CHST9: variants seen among roughly 807,000 people sequenced by gnomAD.
CHST9 encodes carbohydrate sulfotransferase 9, also known as GalNAc-4-sulfotransferase 2.
A neutral mutation model predicts 44.4 loss-of-function variants in CHST9; 41 were observed. The ratio of observed to expected loss-of-function variants is 0.92; its 90% CI spans 0.72 to 1.20. The LOEUF (loss-of-function observed/expected upper bound fraction) is 1.20, where lower values mean the gene tolerates loss of function less well. Among genes scored for constraint, CHST9 ranks in the 50% most tolerant of loss-of-function variants. The pLI, the probability that CHST9 is intolerant of heterozygous loss-of-function variation, is 0.00. For synonymous variants in CHST9, 171 were observed against 178.4 expected, an observed-to-expected ratio of 0.96 and a Z score of 0.33; for missense variants, 504 against 516.5, an observed-to-expected ratio of 0.98 and a Z score of 0.23.
chr18:27,035,619 A>G (rs1486969134), intron 3 of CHST9, among the ~76,000 whole-genome samples: 1 of 152,036 alleles, frequency 6.6e-6, no homozygotes, highest in East Asian at 1.9e-4. Context: ...ATATAGCCTC[A>G]AAAAAAGAAG....
At chr18:27,024,033 C>T in intron 4 of CHST9, 83 bp downstream of exon 4, 1 of 1,342,022 alleles carries the variant, frequency 7.5e-7, no homozygotes, top group Non-Finnish European at 1.1e-6. Flanking sequence ...AAAAGCCACA[C>T]TCTGAGGTTT....
chr18:26,907,453 G>C lies in CHST9; in HGVS notation c.*8806C>G, dbSNP rs757540059. The C allele has an allele frequency of 6.6e-6, 1 of 152,144 alleles. No individual in the cohort carries two copies. Among genetic ancestry groups the C allele is most frequent in the African/African-American group, 2.4e-5 (1 of 41,406 alleles). 9.4% of individuals were successfully genotyped at this position (152,144 alleles called of 1,614,324 possible). A position where few individuals can be genotyped will look rare whatever the true frequency, so the allele number is the denominator to read the frequency against. ...AAACTGGGAATCTGAATCAAAGTTC[G>C]TGATAGAAACATAGCCTAGAAAAAG... is the stretch of plus-strand genomic sequence containing the variant. On this transcript the variant is annotated 3_prime_UTR_variant, in exon 6 of 6. Transcript: ENST00000618847.
intron 2 of CHST9, among the ~76,000 whole-genome samples, chr18:27,089,017 T>A (rs953885157): frequency 1.4e-4 from 21 of 152,220 alleles, no homozygotes; most frequent in African/African-American, 4.3e-4. Context: ...TTAAAACATA[T>A]AAGCTAACAG....
chr18:27,126,118 C>T (rs542552876), intron 2 of CHST9, among the ~76,000 whole-genome samples: 10 of 152,270 alleles, frequency 6.6e-5, no homozygotes, highest in African/African-American at 1.7e-4. Context: ...ATGCACTTTT[C>T]GCTCTATGAA....
intron 2 of CHST9, among the ~76,000 whole-genome samples, chr18:27,090,457 A>C (rs7240308): frequency 0.45 from 67,785 of 151,832 alleles, 15,798 homozygotes; most frequent in East Asian, 0.65. Context: ...TTAATTAGAT[A>C]CCATTTGTCC....
chr18:26,915,062 A>G lies in CHST9; in HGVS notation c.*1197T>C, dbSNP rs145863234. The stretch of plus-strand genomic sequence containing the variant: ...AACTATTCATAAGGGTGACACATGG[A>G]CCTATTTTTCTAAGGACTTTGATTT... On this transcript the variant is annotated 3_prime_UTR_variant, in exon 6 of 6. Transcript: ENST00000618847. The G allele has an allele frequency of 1.7e-3, 682 of 397,310 alleles. 5 individuals carry two copies. The highest frequency in any genetic ancestry group is 0.012 in the African/African-American group (607 of 48,672). 24.6% of individuals were successfully genotyped at this position (397,310 alleles called of 1,614,324 possible). A position where few individuals can be genotyped will look rare whatever the true frequency, so the allele number is the denominator to read the frequency against.
At chr18:27,042,267 C>A (rs1263222070) in intron 3 of CHST9, among the ~76,000 whole-genome samples, 1 of 152,100 alleles carries the variant, frequency 6.6e-6, no homozygotes, top group Non-Finnish European at 1.5e-5. Context: ...TGCTAGCTAA[C>A]CCAAGTGACC....
chr18:26,994,525 T>C (rs757598165), intron 4 of CHST9, among the ~76,000 whole-genome samples: 19 of 152,200 alleles, frequency 1.2e-4, no homozygotes, highest in Non-Finnish European at 2.4e-4. Flanking sequence ...CTCAGTGGTC[T>C]GCACCTCCTG....
At chr18:27,128,516 C>A (rs2058445021) in intron 2 of CHST9, among the ~76,000 whole-genome samples, 1 of 152,198 alleles carries the variant, frequency 6.6e-6, no homozygotes, top group Non-Finnish European at 1.5e-5. Context: ...GATCCACCCG[C>A]CTCGGCCTCC....
At chr18:27,007,451 G>T (rs140694490) in intron 4 of CHST9, among the ~76,000 whole-genome samples, 2 of 152,300 alleles carry the variant, frequency 1.3e-5, no homozygotes, top group Non-Finnish European at 2.9e-5. Flanking sequence ...CATATCAATA[G>T]GCAGGTGGTT....
chr18:27,003,943 C>T (rs1271208441), intron 4 of CHST9, among the ~76,000 whole-genome samples: 2 of 151,906 alleles, frequency 1.3e-5, no homozygotes, highest in African/African-American at 4.8e-5. Context: ...CTCCTCTAGC[C>T]TCAGATAACA....
chr18:27,095,674 C>G (rs1216318850), intron 2 of CHST9, among the ~76,000 whole-genome samples: 1 of 152,028 alleles, frequency 6.6e-6, no homozygotes, highest in Non-Finnish European at 1.5e-5. Flanking sequence ...AAACCAAAAA[C>G]AGTAAAAGAG....
chr18:27,122,669 A>G (rs2143813103), intron 2 of CHST9, among the ~76,000 whole-genome samples: 1 of 152,344 alleles, frequency 6.6e-6, no homozygotes, highest in South Asian at 2.1e-4. Context: ...TGGAGCTGAA[A>G]GAGTGAAGGA....
intron 2 of CHST9, among the ~76,000 whole-genome samples, chr18:27,074,713 A>G (rs985621926): frequency 1.3e-5 from 2 of 151,760 alleles, no homozygotes; most frequent in Admixed American, 1.3e-4. Flanking sequence ...CAAAATTAAC[A>G]AAGCTTATAC....
At chr18:27,125,481 A>C (rs2143820798) in intron 2 of CHST9, among the ~76,000 whole-genome samples, 1 of 152,314 alleles carries the variant, frequency 6.6e-6, no homozygotes, top group Admixed American at 6.5e-5. Flanking sequence ...CAGCACGGGA[A>C]GCTGGGGAGT....
chr18:27,053,218 G>GGAAGAGGAAGAAGAA (rs1491351077), intron 2 of CHST9, among the ~76,000 whole-genome samples: 2 of 32,356 alleles, frequency 6.2e-5, no homozygotes, highest in Admixed American at 4.1e-4. Flanking sequence ...AGGAGGAAGA[G>GGAAGAGGAAGAAGAA]GAAGAAGAAG....
At chr18:26,935,562 GC>G (rs2055973223) in intron 5 of CHST9, 1 of 152,084 alleles carries the variant, frequency 6.6e-6, no homozygotes, top group Non-Finnish European at 1.5e-5. Context: ...ATTCTGATTG[GC>G]TAATCATTCA....
intron 2 of CHST9, among the ~76,000 whole-genome samples, chr18:27,098,840 A>AG (rs2058143457): frequency 6.6e-6 from 1 of 151,770 alleles, no homozygotes; most frequent in Non-Finnish European, 1.5e-5. Flanking sequence ...AAAAAAAAAA[A>AG]CAAACCTATC....
intron 4 of CHST9, among the ~76,000 whole-genome samples, chr18:27,020,055 A>G (rs1384608692): frequency 6.6e-6 from 1 of 152,218 alleles, no homozygotes; most frequent in Non-Finnish European, 1.5e-5. Flanking sequence ...CCAGGCAGAA[A>G]TAAAATGGGA....
Sources: allele counts gnomAD v4.1 joint callset (sites outside exome capture counted in the v4.1 genomes callset), GRCh38; gene constraint gnomAD v4.1.1; transcripts MANE v1.5; gene names NCBI Gene and HGNC (gene_info 2026-07-23, HGNC 2026-07-21).